Variants in TRRAP observed in about 807,000 individuals in gnomAD.
The protein encoded by TRRAP is transformation/transcription domain associated protein, also known as transformation/transcription domain-associated protein.
Under a neutral mutation model 438.8 loss-of-function variants are expected in TRRAP, and 41 were observed. The observed-to-expected ratio is 0.09, with a 90% CI of 0.07 to 0.12. TRRAP has a LOEUF of 0.12. Ranked by LOEUF, TRRAP falls within the 10% of genes least tolerant of loss-of-function variation. The pLI is 1.00. For synonymous variants in TRRAP, 1,994 were observed against 1,962.9 expected (o/e 1.02, Z -0.42); for missense variants, 3,122 against 5,055.1 (o/e 0.62, Z 11.60).
chr7:98,998,307 G>A (rs56102568), intron 67 of TRRAP, among the ~76,000 whole-genome samples: 16,113 of 151,994 alleles, frequency 0.11, 929 homozygotes, highest in East Asian at 0.25. Flanking sequence ...TTAATATTCT[G>A]TAGCTTCATT....
intron 30 of TRRAP, among the ~76,000 whole-genome samples, chr7:98,940,425 T>G (rs1790748716): frequency 6.6e-6 from 1 of 152,098 alleles, no homozygotes; most frequent in Non-Finnish European, 1.5e-5. Context: ...CCTGACCTCA[T>G]GTGAACCACT....
chr7:98,965,995 T>A (rs1237819830), intron 49 of TRRAP, 100 bp downstream of exon 49: 2 of 1,357,896 alleles, frequency 1.5e-6, no homozygotes. Context: ...AACATTTTTT[T>A]CTGCTGTAAT....
intron 39 of TRRAP, among the ~76,000 whole-genome samples, chr7:98,951,931 C>G (rs1474391075): frequency 6.6e-6 from 1 of 152,146 alleles, no homozygotes; most frequent in African/African-American, 2.4e-5. Context: ...CAGGCTGTGT[C>G]TCCTGGGTCA....
intron 12 of TRRAP, among the ~76,000 whole-genome samples, chr7:98,904,998 T>C (rs782692100): frequency 1.3e-4 from 20 of 152,196 alleles, no homozygotes; most frequent in Non-Finnish European, 2.6e-4. Context: ...CCTGCCATTT[T>C]AACAAGTTCA....
intron 58 of TRRAP, among the ~76,000 whole-genome samples, chr7:98,980,207 G>A (rs573194258): frequency 5.8e-4 from 88 of 152,222 alleles, no homozygotes; most frequent in Non-Finnish European, 1.0e-3. Flanking sequence ...TCATATAATT[G>A]TGGGGTGGTG....
chr7:98,959,314 A>G, intron 44 of TRRAP, 30 bp from the exon 45 acceptor site: 1 of 1,610,098 alleles, frequency 6.2e-7, no homozygotes, highest in South Asian at 1.1e-5. Flanking sequence ...ATGCAGTGAA[A>G]TGCCGGCTGT....
Position 98,921,741 on chromosome 7 carries a change from G to A in TRRAP, c.2623-12G>A, listed in dbSNP as rs367933643. The A allele has an allele frequency of 3.8e-5, 61 of 1,613,798 alleles. No homozygotes were observed. Among genetic ancestry groups the A allele is most frequent in the Admixed American group, 5.0e-5 (3 of 60,016 alleles). ...CTTAAGAGGACCTTAATGAAAGCAC[G>A]CTGATTTTCAGGCTCTGTGGCGCAC... On this transcript the variant is annotated splice_polypyrimidine_tract_variant and intron_variant, in intron 20 of 72. Coordinates refer to ENST00000456197, the MANE Select transcript of TRRAP (RefSeq NM_001375524.1).
At chr7:98,897,537 G>A (rs1314847638) in intron 7 of TRRAP, among the ~76,000 whole-genome samples, 1 of 152,190 alleles carries the variant, frequency 6.6e-6, no homozygotes, top group African/African-American at 2.4e-5. Flanking sequence ...CGTCTAGTGT[G>A]TGTTGGTTTA....
chr7:98,988,116 T>G (rs1009300002), intron 62 of TRRAP, among the ~76,000 whole-genome samples: 1 of 152,232 alleles, frequency 6.6e-6, no homozygotes, highest in Non-Finnish European at 1.5e-5. Flanking sequence ...CGAGGATGTT[T>G]GCGTCTGTAT....
intron 33 of TRRAP, among the ~76,000 whole-genome samples, chr7:98,947,932 G>A (rs1223855987): frequency 1.3e-5 from 2 of 152,204 alleles, no homozygotes; most frequent in African/African-American, 4.8e-5. Flanking sequence ...TTTACCACTT[G>A]TGAGCACGCA....
chr7:98,936,654 T>C (rs1277134352), intron 28 of TRRAP, among the ~76,000 whole-genome samples: 1 of 152,204 alleles, frequency 6.6e-6, no homozygotes, highest in Non-Finnish European at 1.5e-5. Flanking sequence ...CCATCAGCCT[T>C]GTTCAGATGG....
intron 70 of TRRAP, 130 bp from the exon 71 acceptor site, chr7:99,010,922 A>G (rs1794399649): frequency 5.1e-6 from 5 of 974,652 alleles, no homozygotes; most frequent in Non-Finnish European, 6.2e-6. Flanking sequence ...TGCGTGCGTT[A>G]AATCTGTCAC....
intron 62 of TRRAP, among the ~76,000 whole-genome samples, chr7:98,987,119 TCCAAAAC>T (rs1056656371): frequency 5.9e-5 from 9 of 152,154 alleles, no homozygotes; most frequent in Non-Finnish European, 1.2e-4. Context: ...GACCCCCATT[TCCAAAAC>T]CCAAAAAACA....
intron 43 of TRRAP, 114 bp from the exon 44 acceptor site, chr7:98,957,867 G>T: frequency 1.2e-6 from 1 of 861,116 alleles, no homozygotes; most frequent in Non-Finnish European, 1.9e-6. Context: ...AGCGCCCAGA[G>T]CTGCCTCTGT....
intron 65 of TRRAP, among the ~76,000 whole-genome samples, chr7:98,993,069 G>C (rs1217059875): frequency 6.6e-6 from 1 of 152,188 alleles, no homozygotes; most frequent in African/African-American, 2.4e-5. Context: ...CAATTGGCTT[G>C]GCTTTCCAAA....
rs1791433598 is a variant in TRRAP, at chr7:98,953,319, C to T, written c.5616C>T (p.Ala1872=). The T allele has an allele frequency of 1.2e-6, 2 of 1,614,084 alleles. No individual in the cohort carries two copies. The highest frequency in any genetic ancestry group is 1.7e-6 in the Non-Finnish European group (2 of 1,180,052). The stretch of plus-strand genomic sequence containing the variant: ...AGCTGCGCCGCCTCATGACCTTCGC[C>T]TGGCCCTGCCTGCTCTCCAAGGCCT... ...NSKLRRLMTF[A]WPCLLSKACV... is the part of the protein sequence containing the mutation. The change falls in exon 40 of 73, where the codon GCC becomes GCT. Residue 1872 remains alanine (A), a synonymous_variant. Transcript: ENST00000456197.
intron 62 of TRRAP, among the ~76,000 whole-genome samples, chr7:98,985,729 C>G (rs1241006580): frequency 1.3e-5 from 2 of 152,186 alleles, no homozygotes; most frequent in Non-Finnish European, 2.9e-5. Flanking sequence ...GCATGTTTAG[C>G]TTATTTTTAA....
intron 69 of TRRAP, among the ~76,000 whole-genome samples, chr7:99,008,148 C>G (rs1794278785): frequency 6.6e-6 from 1 of 152,220 alleles, no homozygotes; most frequent in African/African-American, 2.4e-5. Context: ...AGATTGCCTT[C>G]TAAAGCATTT....
intron 67 of TRRAP, among the ~76,000 whole-genome samples, chr7:98,997,745 A>C (rs1363799541): frequency 1.3e-5 from 2 of 152,204 alleles, no homozygotes; most frequent in Non-Finnish European, 2.9e-5. Context: ...AAGAAAGAGA[A>C]TGTGGAACAA....
Sources: allele counts gnomAD v4.1 joint callset (sites outside exome capture counted in the v4.1 genomes callset), GRCh38; gene constraint gnomAD v4.1.1; transcripts MANE v1.5; gene names NCBI Gene and HGNC (gene_info 2026-07-23, HGNC 2026-07-21).